MAML3: variants seen among roughly 807,000 people sequenced by gnomAD.
MAML3 encodes mastermind like transcriptional coactivator 3, also known as mastermind-like protein 3.
MAML3 carries 27 observed loss-of-function variants against 101.9 expected under a neutral mutation model. The observed-to-expected ratio is 0.27, with a 90% confidence interval of 0.20 to 0.37. The LOEUF is 0.37. Among genes scored for constraint, MAML3 ranks in the 10% least tolerant of loss-of-function variants. MAML3 has a pLI of 1.00. For missense variants in MAML3, 1,316 were observed against 1,444.9 expected (o/e 0.91, Z 1.45); for synonymous variants, 501 against 555.9 (o/e 0.90, Z 1.39).
intron 2 of MAML3, among the ~76,000 whole-genome samples, chr4:139,806,989 A>G (rs1042442267): frequency 2.0e-5 from 3 of 152,208 alleles, no homozygotes; most frequent in Non-Finnish European, 4.4e-5. Context: ...AGTTCTTTAA[A>G]TTTCTAAAAT....
chr4:140,147,164 C>T (rs989269611), intron 1 of MAML3, among the ~76,000 whole-genome samples: 1 of 150,482 alleles, frequency 6.6e-6, no homozygotes, highest in Non-Finnish European at 1.5e-5. Flanking sequence ...AAAATTGTTA[C>T]GCCCTTGAAT....
At chr4:139,796,081 T>A (rs985388949) in intron 2 of MAML3, among the ~76,000 whole-genome samples, 14 of 152,162 alleles carry the variant, frequency 9.2e-5, no homozygotes, top group Non-Finnish European at 2.1e-4. Flanking sequence ...GACATGGAAA[T>A]GTGGGAGCTT....
In MAML3 at chr4:139,889,827, G is replaced by A; in HGVS notation, c.1609C>T (p.Pro537Ser). Residue 537 changes from proline (P) to serine (S), a missense_variant, in exon 2 of 5, where the codon CCA (proline) becomes TCA (serine). Transcript: ENST00000509479. ...TGGGGGTACATCATTGGGCTATTTG[G>A]TTTTTCTGCAGTAAAAGCTGCTCCA... ...PYGAAFTAEKPNSPMMYPQAF... is the reference protein window; with the variant it reads ...PYGAAFTAEKSNSPMMYPQAF... The A allele has an allele frequency of 6.2e-7, 1 of 1,613,890 alleles. No individual in the cohort carries two copies. The highest frequency in any genetic ancestry group is 8.5e-7 in the Non-Finnish European group (1 of 1,179,886).
intron 2 of MAML3, among the ~76,000 whole-genome samples, chr4:139,843,987 A>T (rs1731402615): frequency 6.6e-6 from 1 of 152,144 alleles, no homozygotes; most frequent in South Asian, 2.1e-4. Context: ...AATTATAATG[A>T]CTCCATATCC....
At chr4:140,105,441 A>C (rs7696717) in intron 1 of MAML3, among the ~76,000 whole-genome samples, 2,203 of 152,262 alleles carry the variant, frequency 0.014, 53 homozygotes, top group African/African-American at 0.051. Context: ...AGCTAAACTA[A>C]GCCCAGGTAA....
At chr4:139,779,401 C>T (rs1329050853) in intron 2 of MAML3, among the ~76,000 whole-genome samples, 1 of 152,144 alleles carries the variant, frequency 6.6e-6, no homozygotes, top group Non-Finnish European at 1.5e-5. Context: ...AATTTAGAAA[C>T]TTAATTTAAA....
intron 1 of MAML3, among the ~76,000 whole-genome samples, chr4:139,921,885 G>A (rs532563082): frequency 5.3e-5 from 8 of 152,348 alleles, no homozygotes; most frequent in African/African-American, 1.7e-4. Flanking sequence ...ACAGTCCTCT[G>A]AAACCCTATG....
intron 2 of MAML3, among the ~76,000 whole-genome samples, chr4:139,755,741 G>C (rs1729635633): frequency 6.6e-6 from 1 of 152,188 alleles, no homozygotes; most frequent in Admixed American, 6.5e-5. Context: ...GTCTGTTGAA[G>C]AAACTACAAC....
intron 1 of MAML3, among the ~76,000 whole-genome samples, chr4:140,040,912 C>T (rs1266022589): frequency 6.6e-6 from 1 of 152,058 alleles, no homozygotes; most frequent in Non-Finnish European, 1.5e-5. Flanking sequence ...ACTCAAGTCC[C>T]TGAGAGAACA....
intron 2 of MAML3, among the ~76,000 whole-genome samples, chr4:139,756,012 T>A (rs1185211084): frequency 6.6e-6 from 1 of 152,164 alleles, no homozygotes; most frequent in Non-Finnish European, 1.5e-5. Context: ...TAAATCTAAG[T>A]GTGAAAGTTA....
chr4:139,981,361 G>T (rs183709346), intron 1 of MAML3, among the ~76,000 whole-genome samples: 37 of 152,294 alleles, frequency 2.4e-4, no homozygotes, highest in Admixed American at 8.5e-4. Context: ...CTATTCTGAG[G>T]TACTAGGGCT....
At chr4:139,939,536 C>G (rs1733561246) in intron 1 of MAML3, among the ~76,000 whole-genome samples, 1 of 152,116 alleles carries the variant, frequency 6.6e-6, no homozygotes, top group Admixed American at 6.5e-5. Flanking sequence ...AATCCAAGCT[C>G]AAAACCCTAT....
chr4:140,000,022 C>A (rs912259523), intron 1 of MAML3, among the ~76,000 whole-genome samples: 1 of 152,096 alleles, frequency 6.6e-6, no homozygotes, highest in Non-Finnish European at 1.5e-5. Flanking sequence ...GATTAATGAC[C>A]GTTTTTTAAA....
In MAML3 at chr4:139,890,980, C is replaced by T. The variant is rs1198816363; in HGVS notation, c.469-13G>A. On this transcript the variant is annotated splice_polypyrimidine_tract_variant and intron_variant, in intron 1 of 4. Transcript: ENST00000509479. The surrounding 1 kb of genome is among the most constrained non-coding windows in gnomAD (Gnocchi z 4.1). ...CAGTCTCTTGTAGCTGGAAAAGAAA[C>T]AGGAAAGAGGATGACTAAACCTCCA... 6.2e-7 allele frequency: 1 copy of T among 1,604,852 alleles called. No homozygotes were observed. Among genetic ancestry groups the T allele is most frequent in the Non-Finnish European group, 8.5e-7 (1 of 1,174,368 alleles).
rs756106379 is a variant in MAML3 at position 140,069,384 on chromosome 4, A to AAGG, written c.468+83473_468+83475dup. ...GGAGAAGAAGAAGAAGAAGAAGAAG[A>AAGG]AGGAGGAGGAGGAGGAGGAGGAGGA... is the stretch of plus-strand genomic sequence containing the variant. On this transcript the variant is annotated intron_variant, in intron 1 of 4. Coordinates refer to ENST00000509479, the MANE Select transcript of MAML3 (RefSeq NM_018717.5). Among the ~76,000 whole-genome samples the AAGG allele has an allele frequency of 3.3e-3, 202 of 60,434 alleles. 2 individuals carry two copies. The highest frequency in any genetic ancestry group is 0.015 in the East Asian group (28 of 1,924). The allele number at this position is 60,434 out of a possible 152,430, so 39.6% of individuals were successfully genotyped here. A position where few individuals can be genotyped will look rare whatever the true frequency, so the allele number is the denominator to read the frequency against.
intron 2 of MAML3, among the ~76,000 whole-genome samples, chr4:139,841,373 T>C (rs1731357252): frequency 6.6e-6 from 1 of 152,216 alleles, no homozygotes; most frequent in South Asian, 2.1e-4. Context: ...TTCTCTCTCA[T>C]CTTCTTCATG....
intron 2 of MAML3, among the ~76,000 whole-genome samples, chr4:139,753,634 T>C (rs1477327933): frequency 6.6e-6 from 1 of 152,172 alleles, no homozygotes; most frequent in African/African-American, 2.4e-5. Flanking sequence ...TGCAGATCTT[T>C]TATGCTCCTT....
rs150749749 is a variant in MAML3 at position 140,075,582 on chromosome 4, A to G, written c.468+77278T>C. On this transcript the variant is annotated intron_variant, in intron 1 of 4. Coordinates refer to ENST00000509479, the MANE Select transcript of MAML3 (RefSeq NM_018717.5). ...GATAGGATGTCACTCTATCACCCAG[A>G]CTGGAGTGCAATGGTGCTATCATAA... is the stretch of plus-strand genomic sequence containing the variant. Among the ~76,000 whole-genome samples, 467 of 152,262 alleles carry G rather than the reference A, an allele frequency of 3.1e-3. 1 individual carries two copies. The highest frequency in any genetic ancestry group is 0.011 in the African/African-American group (453 of 41,546).
chr4:140,138,876 G>GA (rs1453053796), intron 1 of MAML3, among the ~76,000 whole-genome samples: 2 of 152,170 alleles, frequency 1.3e-5, no homozygotes, highest in African/African-American at 4.8e-5. Flanking sequence ...TTAGTATCCA[G>GA]AAAATTTTGT....
Sources: gnomAD v4.1 joint callset for allele counts (sites outside exome capture counted in the v4.1 genomes callset) on GRCh38, gnomAD v4.1.1 for gene constraint, Gnocchi (gnomAD v3.1) non-coding constraint, MANE v1.5 for transcripts, NCBI Gene and HGNC (gene_info 2026-07-23, HGNC 2026-07-21) for gene names.